PCBD2: variants seen among roughly 807,000 people sequenced by gnomAD.
PCBD2 encodes the protein pterin-4 alpha-carbinolamine dehydratase 2.
Under a neutral mutation model 16.4 loss-of-function variants are expected in PCBD2, and 12 were observed. The observed-to-expected ratio is 0.73, with a 90% confidence interval of 0.47 to 1.19. PCBD2 has a LOEUF of 1.19. PCBD2 is among the 50% of genes most tolerant of loss of function. The pLI, the probability that PCBD2 is intolerant of heterozygous loss-of-function variation, is 0.00. For missense variants in PCBD2, 138 were observed against 156.8 expected (o/e 0.88, Z 0.64); for synonymous variants, 58 against 61.8 (o/e 0.94, Z 0.29).
chr5:134,916,729 C>T (rs368801463), intron 2 of PCBD2, among the ~76,000 whole-genome samples: 21 of 152,298 alleles, frequency 1.4e-4, no homozygotes, highest in African/African-American at 4.6e-4. Flanking sequence ...ATTATAAGTA[C>T]GGAGTTTTCA....
intron 2 of PCBD2, among the ~76,000 whole-genome samples, chr5:134,917,080 C>T (rs1255157028): frequency 6.6e-6 from 1 of 152,166 alleles, no homozygotes; most frequent in Non-Finnish European, 1.5e-5. Flanking sequence ...GTTGAAAGAA[C>T]AAAATGTCAG....
intron 2 of PCBD2, among the ~76,000 whole-genome samples, chr5:134,923,028 C>T (rs554790896): frequency 3.9e-5 from 6 of 152,268 alleles, no homozygotes; most frequent in African/African-American, 1.4e-4. Context: ...AACTATGGGT[C>T]ATGGCACTAT....
intron 2 of PCBD2, among the ~76,000 whole-genome samples, chr5:134,954,767 G>A (rs1355587438): frequency 6.6e-6 from 1 of 151,324 alleles, no homozygotes. Context: ...TTTGAGACAG[G>A]GTTTTGCTCT....
At chr5:134,932,788 C>T (rs745310817) in intron 2 of PCBD2, among the ~76,000 whole-genome samples, 1 of 152,032 alleles carries the variant, frequency 6.6e-6, no homozygotes, top group Non-Finnish European at 1.5e-5. Flanking sequence ...CTGGCCAATT[C>T]GGAGTTTCTT....
At chr5:134,909,105 T>A (rs1750732921) in intron 1 of PCBD2, 1 of 152,250 alleles carries the variant, frequency 6.6e-6, no homozygotes, top group African/African-American at 2.4e-5. Context: ...TTATTTCAGT[T>A]AAAAAACCAA....
intron 1 of PCBD2, chr5:134,905,462 C>G (rs1478022221): frequency 2.7e-6 from 1 of 364,188 alleles, no homozygotes; most frequent in East Asian, 4.1e-5. Flanking sequence ...CCGAAGCCTA[C>G]GAACTTGCCA....
intron 2 of PCBD2, among the ~76,000 whole-genome samples, chr5:134,914,326 G>A (rs1226853667): frequency 6.6e-6 from 1 of 152,166 alleles, no homozygotes; most frequent in Non-Finnish European, 1.5e-5. Flanking sequence ...AAGAGAAGGA[G>A]TGGAATAGTC....
Position 134,910,442 on chromosome 5 carries a change from A to G in PCBD2, c.192A>G (p.Glu64=). ...ELSERDAIYK[E]FSFHNFNQAF... ...GTGAGAGAGATGCCATCTACAAAGA[A>G]TTCTCCTTCCACAATTTTAATCAGG... The change falls in exon 2 of 4, where the codon GAA becomes GAG. Residue 64 remains glutamate (E), a synonymous_variant. Coordinates refer to ENST00000254908, the MANE Select transcript of PCBD2 (RefSeq NM_032151.5). 6.2e-7 allele frequency: 1 copy of G among 1,614,168 alleles called. No homozygotes were observed. The highest frequency in any genetic ancestry group is 8.5e-7 in the Non-Finnish European group (1 of 1,179,986).
intron 1 of PCBD2, among the ~76,000 whole-genome samples, chr5:134,908,412 C>G (rs1750725023): frequency 6.6e-6 from 1 of 151,864 alleles, no homozygotes; most frequent in African/African-American, 2.4e-5. Flanking sequence ...CGCCTGTAAT[C>G]CCAGCACTTT....
At chr5:134,917,702 T>A (rs910448528) in intron 2 of PCBD2, among the ~76,000 whole-genome samples, 2 of 152,194 alleles carry the variant, frequency 1.3e-5, no homozygotes, top group Non-Finnish European at 2.9e-5. Flanking sequence ...CCACTGAAGC[T>A]TTCTGGAGCT....
chr5:134,930,822 A>G (rs1751084180), intron 2 of PCBD2, among the ~76,000 whole-genome samples: 1 of 152,148 alleles, frequency 6.6e-6, no homozygotes. Context: ...TCCATTAGGC[A>G]TTCATTTCTG....
intron 2 of PCBD2, among the ~76,000 whole-genome samples, chr5:134,955,365 T>G (rs1164357975): frequency 6.7e-6 from 1 of 149,490 alleles, no homozygotes; most frequent in East Asian, 2.0e-4. Flanking sequence ...TGGAGTGCAG[T>G]GGTGCGATCT....
chr5:134,911,303 T>G (rs186059956), intron 2 of PCBD2, among the ~76,000 whole-genome samples: 312 of 152,308 alleles, frequency 2.0e-3, no homozygotes, highest in African/African-American at 7.1e-3. Flanking sequence ...GAACCTTTTC[T>G]TAAAACCTGA....
intron 2 of PCBD2, chr5:134,923,765 G>A (rs1286593351): frequency 1.8e-5 from 7 of 392,710 alleles, no homozygotes; most frequent in Non-Finnish European, 3.1e-5. Context: ...CGATGTGTAG[G>A]AAGAGGCAGA....
At chr5:134,950,711 A>C (rs1186636766) in intron 2 of PCBD2, among the ~76,000 whole-genome samples, 1 of 152,240 alleles carries the variant, frequency 6.6e-6, no homozygotes, top group East Asian at 1.9e-4. Flanking sequence ...ATTCCTTAAA[A>C]TGGTAGAGTA....
intron 1 of PCBD2, 64 bp downstream of exon 1, chr5:134,905,287 C>G: frequency 8.3e-7 from 1 of 1,204,008 alleles, no homozygotes; most frequent in Non-Finnish European, 1.0e-6. Flanking sequence ...GGCCCGGCGG[C>G]GTCGGCTGAG....
chr5:134,906,057 A>G, intron 1 of PCBD2, among the ~76,000 whole-genome samples: 1 of 150,882 alleles, frequency 6.6e-6, no homozygotes, highest in African/African-American at 2.4e-5. Flanking sequence ...TATTTTTAGT[A>G]GAGAGGGGTT....
At chr5:134,946,002 G>A (rs1051854872) in intron 2 of PCBD2, among the ~76,000 whole-genome samples, 17 of 151,720 alleles carry the variant, frequency 1.1e-4, no homozygotes, top group African/African-American at 4.1e-4. Context: ...TAAGTGCTAA[G>A]CTTACTTTCC....
At chr5:134,928,398 C>T (rs111618963) in intron 2 of PCBD2, 1 of 362,434 alleles carries the variant, frequency 2.8e-6, no homozygotes, top group Non-Finnish European at 5.0e-6. Flanking sequence ...ACCAATTCGG[C>T]TCAGTCTAAC....
Sources: gnomAD v4.1 joint callset for allele counts (sites outside exome capture counted in the v4.1 genomes callset) on GRCh38, gnomAD v4.1.1 for gene constraint, MANE v1.5 for transcripts, NCBI Gene and HGNC (gene_info 2026-07-23, HGNC 2026-07-21) for gene names.